The following DYNC2H1 variants were observed in gnomAD, a reference collection of about 807,000 sequenced individuals.
The protein encoded by DYNC2H1 is cytoplasmic dynein 2 heavy chain 1.
In DYNC2H1, 410 loss-of-function variants were observed where a neutral mutation model predicts 570.0. That is an observed-to-expected ratio of 0.72 (90% CI 0.66 to 0.78). The LOEUF is 0.78. Ranked by LOEUF, DYNC2H1 falls within the 30% of genes least tolerant of loss-of-function variation. The pLI, the probability that DYNC2H1 is intolerant of heterozygous loss-of-function variation, is 0.00. For missense variants in DYNC2H1, 4,865 were observed against 5,046.4 expected (o/e 0.96, Z 1.09); for synonymous variants, 1,688 against 1,677.6 (o/e 1.01, Z -0.15).
At chr11:103,329,372 C>T (rs907482392) in intron 82 of DYNC2H1, among the ~76,000 whole-genome samples, 7 of 151,010 alleles carry the variant, frequency 4.6e-5, no homozygotes, top group Admixed American at 6.7e-5. Context: ...GGGCATTATT[C>T]AGTATTTCAA....
At position 103,358,384 on chromosome 11, in the gene DYNC2H1, T is replaced by A. The variant is rs1180513358; in HGVS notation, c.12156+25T>A. 4 of 1,459,760 alleles carry A rather than the reference T, an allele frequency of 2.7e-6. No homozygotes were observed. In the Admixed American group the frequency reaches 5.9e-5, roughly 21 times the overall value. The allele number at this position is 1,459,760 out of a possible 1,614,324, so 90.4% of individuals were successfully genotyped here. On this transcript the variant is annotated intron_variant, in intron 83 of 88. Transcript: ENST00000375735. The stretch of plus-strand genomic sequence containing the variant: ...GGTTAGTAGTGGAATATTCTTCTGA[T>A]TCTTTTGCTTTTTCTCCCGCATCGT...
intron 87 of DYNC2H1, among the ~76,000 whole-genome samples, chr11:103,456,947 G>C (rs1189540190): frequency 1.3e-5 from 2 of 152,182 alleles, no homozygotes; most frequent in Non-Finnish European, 2.9e-5. Flanking sequence ...GTTTAGACTT[G>C]GGTCCCATCC....
chr11:103,141,609 C>T (rs1859936056), intron 17 of DYNC2H1, among the ~76,000 whole-genome samples: 3 of 152,266 alleles, frequency 2.0e-5, no homozygotes, highest in East Asian at 1.9e-4. Context: ...GTCAGTCTGC[C>T]CCTACTGGGG....
intron 84 of DYNC2H1, among the ~76,000 whole-genome samples, chr11:103,421,849 AC>A (rs1943499521): frequency 6.6e-6 from 1 of 152,104 alleles, no homozygotes; most frequent in Non-Finnish European, 1.5e-5. Context: ...ACAAGAAATT[AC>A]CGAGATCAGA....
At chr11:103,121,069 A>G in intron 9 of DYNC2H1, 33 bp downstream of exon 9, 2 of 1,356,562 alleles carry the variant, frequency 1.5e-6, no homozygotes, top group Non-Finnish European at 2.0e-6. Context: ...TGTTTGCTTG[A>G]GAGAATATTT....
chr11:103,469,394 GACT>G (rs1345560339), intron 88 of DYNC2H1, among the ~76,000 whole-genome samples: 2 of 152,116 alleles, frequency 1.3e-5, no homozygotes, highest in African/African-American at 2.4e-5. Flanking sequence ...ATGCACATAT[GACT>G]ACATGTGAAT....
At chr11:103,211,716 A>G (rs1335349789) in intron 53 of DYNC2H1, 73 bp from the exon 54 acceptor site, 2 of 604,308 alleles carry the variant, frequency 3.3e-6, no homozygotes, top group East Asian at 6.4e-5. Flanking sequence ...AATAACTATC[A>G]TTAGGATATT....
intron 82 of DYNC2H1, among the ~76,000 whole-genome samples, chr11:103,338,221 A>T (rs1367795145): frequency 6.6e-6 from 1 of 151,770 alleles, no homozygotes; most frequent in African/African-American, 2.4e-5. Context: ...GTTCTCTTTC[A>T]TTGCTCTATG....
chr11:103,295,935 C>T (rs778578539), intron 75 of DYNC2H1, among the ~76,000 whole-genome samples: 20 of 152,124 alleles, frequency 1.3e-4, no homozygotes, highest in Non-Finnish European at 2.4e-4. Context: ...TGCTTTACTC[C>T]GAGGTCTCTC....
In DYNC2H1 at chr11:103,472,479, G is replaced by T. The variant is rs1178723978; in HGVS notation, c.12765+3774G>T. On this transcript the variant is annotated intron_variant, in intron 88 of 88. Coordinates refer to ENST00000375735, the MANE Select transcript of DYNC2H1 (RefSeq NM_001377.3). The surrounding 1 kb of genome is among the most constrained non-coding windows in gnomAD (Gnocchi z 4.1). ...CAGTGAGTGGTTGGATAATAGATTG[G>T]CACACTGTGAGATACAATTATACTG... is the stretch of plus-strand genomic sequence containing the variant. Among the ~76,000 whole-genome samples, 6 of 152,122 alleles carry T rather than the reference G, an allele frequency of 3.9e-5. No individual in the cohort carries two copies. Among genetic ancestry groups the T allele is most frequent in the Admixed American group, 3.9e-4 (6 of 15,256 alleles).
At chr11:103,171,973 C>A (rs1364658817) in intron 34 of DYNC2H1, among the ~76,000 whole-genome samples, 5 of 152,072 alleles carry the variant, frequency 3.3e-5, no homozygotes, top group African/African-American at 1.2e-4. Context: ...AATATAAATT[C>A]GTTTGTACAG....
At chr11:103,323,863 G>A (rs776985458) in intron 81 of DYNC2H1, 23 bp from the exon 82 acceptor site, 7 of 1,574,290 alleles carry the variant, frequency 4.4e-6, no homozygotes. Flanking sequence ...TAAAAAAACT[G>A]TTTTTCACTT....
At chr11:103,308,073 G>A (rs191614728) in intron 78 of DYNC2H1, among the ~76,000 whole-genome samples, 145 of 151,868 alleles carry the variant, frequency 9.5e-4, no homozygotes, top group Non-Finnish European at 1.1e-3. Context: ...ATTTGCTATC[G>A]TAACAATTTT....
At chr11:103,330,019 T>A (rs571267276) in intron 82 of DYNC2H1, among the ~76,000 whole-genome samples, 14 of 152,324 alleles carry the variant, frequency 9.2e-5, no homozygotes, top group African/African-American at 1.9e-4. Context: ...TCCTCTGGTA[T>A]TTTTTACTTT....
chr11:103,399,324 T>C (rs1182407405), intron 83 of DYNC2H1, among the ~76,000 whole-genome samples: 3 of 113,234 alleles, frequency 2.6e-5, no homozygotes, highest in African/African-American at 3.8e-5. Context: ...TTTTTTTTTT[T>C]TTTGTATTTT....
intron 86 of DYNC2H1, 24 bp downstream of exon 86, chr11:103,455,319 C>G (rs765601296): frequency 6.3e-7 from 1 of 1,592,620 alleles, no homozygotes; most frequent in African/African-American, 1.3e-5. Context: ...AATACTTTAC[C>G]TATTTGTCCC....
Position 103,145,188 on chromosome 11 carries a change from T to C in DYNC2H1, c.2702+1793T>C, listed in dbSNP as rs1860178933. 6.6e-6 allele frequency among the ~76,000 whole-genome samples: 1 copy of C among 152,064 alleles called. No individual in the cohort carries two copies. The highest frequency in any genetic ancestry group is 1.5e-5 in the Non-Finnish European group (1 of 68,008). On this transcript the variant is annotated intron_variant, in intron 18 of 88. Coordinates refer to ENST00000375735, the MANE Select transcript of DYNC2H1 (RefSeq NM_001377.3). The surrounding 1 kb of genome is among the most constrained non-coding windows in gnomAD (Gnocchi z 4.2). ...GAACCACCATGCCCGGCCATAATAA[T>C]TAATTGAATTATCTTGTTGGAACTC... is the stretch of plus-strand genomic sequence containing the variant.
chr11:103,196,621 T>C (rs1862516877), intron 47 of DYNC2H1, among the ~76,000 whole-genome samples: 1 of 152,102 alleles, frequency 6.6e-6, no homozygotes, highest in Admixed American at 6.6e-5. Context: ...GGGGAGAATT[T>C]TAGAATTAAA....
In DYNC2H1 at chr11:103,223,022, A is replaced by G; in HGVS notation, c.9289A>G (p.Ile3097Val). The change falls in exon 59 of 89, where the codon ATT becomes GTT. Residue 3097 changes from isoleucine to valine, a missense_variant. Physicochemically the swap from Ile to Val is conservative, Grantham distance 29. Coordinates refer to ENST00000375735, the MANE Select transcript of DYNC2H1 (RefSeq NM_001377.3). Reference protein sequence around the residue: ...APLAAWVKANIQYSHVLERIH... With the variant: ...APLAAWVKANVQYSHVLERIH... The stretch of plus-strand genomic sequence containing the variant: ...TTTGGCTGCCTGGGTGAAAGCCAAT[A>G]TTCAGTATTCCCATGTCTTGGAACG... The G allele has an allele frequency of 6.2e-7, 1 of 1,613,480 alleles. No individual in the cohort carries two copies. The highest frequency in any genetic ancestry group is 8.5e-7 in the Non-Finnish European group (1 of 1,179,608).
Sources: allele counts gnomAD v4.1 joint callset (sites outside exome capture counted in the v4.1 genomes callset), GRCh38; gene constraint gnomAD v4.1.1; non-coding constraint Gnocchi (gnomAD v3.1); transcripts MANE v1.5; gene names NCBI Gene and HGNC (gene_info 2026-07-23, HGNC 2026-07-21).